Variants in PIP4K2A observed in about 807,000 individuals in gnomAD.
PIP4K2A encodes phosphatidylinositol-5-phosphate 4-kinase type 2 alpha.
PIP4K2A carries 14 observed loss-of-function variants against 42.9 expected under a neutral mutation model. That is an observed-to-expected ratio of 0.33 (90% CI 0.22 to 0.51). The LOEUF is 0.51. Among genes scored for constraint, PIP4K2A ranks in the 20% least tolerant of loss-of-function variants. The pLI is 0.97. For synonymous variants in PIP4K2A, 192 were observed against 192.2 expected (o/e 1.00, Z 0.01); for missense variants, 434 against 519.8 (o/e 0.83, Z 1.61).
chr10:22,707,244 T>C (rs1833838941), intron 1 of PIP4K2A, among the ~76,000 whole-genome samples: 1 of 152,220 alleles, frequency 6.6e-6, no homozygotes, highest in Non-Finnish European at 1.5e-5. Flanking sequence ...TAGGTACCAT[T>C]ATTACCTCCT....
chr10:22,635,291 G>A (rs1315174001), intron 1 of PIP4K2A, among the ~76,000 whole-genome samples: 1 of 152,140 alleles, frequency 6.6e-6, no homozygotes, highest in Admixed American at 6.5e-5. Flanking sequence ...TGTAACAACC[G>A]TCCTGCTCTG....
chr10:22,669,600 T>C lies in PIP4K2A; in HGVS notation c.144+44583A>G, dbSNP rs1326336. Among the ~76,000 whole-genome samples, 237 of 152,260 alleles carry C rather than the reference T, an allele frequency of 1.6e-3. 6 individuals are homozygous for C. In the East Asian group the frequency reaches 0.016, roughly 11 times the overall value. ...CAAGACAGCAAACCCTGTAGGGTAA[T>C]GCAGCTGAGGCTATGGACACCGGGT... On this transcript the variant is annotated intron_variant, in intron 1 of 9. Coordinates refer to ENST00000376573, the MANE Select transcript of PIP4K2A (RefSeq NM_005028.5).
intron 6 of PIP4K2A, among the ~76,000 whole-genome samples, chr10:22,556,131 A>G (rs1295235468): frequency 6.6e-6 from 1 of 152,178 alleles, no homozygotes; most frequent in African/African-American, 2.4e-5. Flanking sequence ...TTGTCACTGC[A>G]CACTGCACAC....
chr10:22,575,206 C>A (rs1222929374), intron 4 of PIP4K2A, among the ~76,000 whole-genome samples: 1 of 152,212 alleles, frequency 6.6e-6, no homozygotes, highest in Non-Finnish European at 1.5e-5. Context: ...TGATTATTTT[C>A]ATTCAAAACT....
intron 1 of PIP4K2A, among the ~76,000 whole-genome samples, chr10:22,662,842 T>C (rs10508651): frequency 0.14 from 21,560 of 152,186 alleles, 1,840 homozygotes; most frequent in African/African-American, 0.23. Context: ...AATCTGATAA[T>C]GTAGCCAAGC....
At chr10:22,593,895 A>C (rs565948731) in intron 3 of PIP4K2A, among the ~76,000 whole-genome samples, 3 of 152,372 alleles carry the variant, frequency 2.0e-5, no homozygotes, top group Non-Finnish European at 4.4e-5. Context: ...TGTATTCAGC[A>C]CAGGATAGAA....
intron 3 of PIP4K2A, among the ~76,000 whole-genome samples, chr10:22,594,240 C>T (rs1294103411): frequency 1.3e-5 from 2 of 152,212 alleles, no homozygotes; most frequent in South Asian, 2.1e-4. Flanking sequence ...TACAGACTTA[C>T]CGGCACTCAT....
chr10:22,619,324 G>T (rs1838257657), intron 1 of PIP4K2A, among the ~76,000 whole-genome samples: 1 of 152,050 alleles, frequency 6.6e-6, no homozygotes, highest in African/African-American at 2.4e-5. Context: ...CAGTTACAGA[G>T]GCAGGAAAAA....
chr10:22,643,920 G>A, intron 1 of PIP4K2A, among the ~76,000 whole-genome samples: 1 of 151,970 alleles, frequency 6.6e-6, no homozygotes, highest in East Asian at 1.9e-4. Context: ...CCTTCCCTTG[G>A]AGGGTTTATC....
chr10:22,542,038 G>A lies in PIP4K2A; in HGVS notation c.802C>T (p.Gln268Ter). The A allele has an allele frequency of 6.2e-7, 1 of 1,607,454 alleles. No individual in the cohort carries two copies. Among genetic ancestry groups the A allele is most frequent in the South Asian group, 1.1e-5 (1 of 89,982 alleles). The change falls in exon 8 of 10, where the codon CAG becomes TAG. Residue 268 changes from glutamine (Q) to a stop codon, truncating the protein, a stop_gained. Transcript: ENST00000376573. LOFTEE classifies it high-confidence loss of function. ...AGACTGTAGTCCATGAGCTTCAGCTGGGCCAGAAACTGGGGACAGAGGCAA... is the reference window on the plus strand; with the variant it reads ...AGACTGTAGTCCATGAGCTTCAGCTAGGCCAGAAACTGGGGACAGAGGCAA... ...KLKKDVEFLA[Q>*]LKLMDYSLLV...
chr10:22,632,846 GA>G (rs1246862856), intron 1 of PIP4K2A, among the ~76,000 whole-genome samples: 3 of 151,962 alleles, frequency 2.0e-5, no homozygotes, highest in Non-Finnish European at 4.4e-5. Context: ...CCAATCAAAA[GA>G]AAAAAATATC....
At chr10:22,669,600 T>A (rs1326336) in intron 1 of PIP4K2A, among the ~76,000 whole-genome samples, 1 of 152,142 alleles carries the variant, frequency 6.6e-6, no homozygotes, top group Non-Finnish European at 1.5e-5. Flanking sequence ...TGTAGGGTAA[T>A]GCAGCTGAGG....
chr10:22,660,362 T>G (rs2130831135), intron 1 of PIP4K2A, among the ~76,000 whole-genome samples: 1 of 152,176 alleles, frequency 6.6e-6, no homozygotes, highest in East Asian at 1.9e-4. Flanking sequence ...TCCCAGCTAC[T>G]TGGGAGGCTG....
chr10:22,703,493 G>A (rs1833755136), intron 1 of PIP4K2A, among the ~76,000 whole-genome samples: 1 of 152,186 alleles, frequency 6.6e-6, no homozygotes, highest in Non-Finnish European at 1.5e-5. Context: ...GCTGCTCTGA[G>A]CTTGCCTTTA....
chr10:22,630,506 T>C (rs1365274870), intron 1 of PIP4K2A, among the ~76,000 whole-genome samples: 1 of 152,196 alleles, frequency 6.6e-6, no homozygotes, highest in Non-Finnish European at 1.5e-5. Flanking sequence ...TAGATAGGAA[T>C]CATCTTTCTT....
chr10:22,704,046 A>C (rs191739750), intron 1 of PIP4K2A, among the ~76,000 whole-genome samples: 23 of 152,286 alleles, frequency 1.5e-4, no homozygotes, highest in Non-Finnish European at 2.1e-4. Flanking sequence ...ATTCATGTGA[A>C]GATACCTGGT....
intron 1 of PIP4K2A, chr10:22,694,163 T>C (rs1425823125): frequency 6.6e-6 from 1 of 152,010 alleles, no homozygotes; most frequent in African/African-American, 2.4e-5. Flanking sequence ...TACCTGAAAA[T>C]CTAAGTGATG....
intron 3 of PIP4K2A, among the ~76,000 whole-genome samples, chr10:22,603,014 C>A (rs1180238361): frequency 6.6e-6 from 1 of 152,196 alleles, no homozygotes; most frequent in Non-Finnish European, 1.5e-5. Context: ...GAGATAAAGG[C>A]AGAATTCCTG....
chr10:22,639,750 G>A (rs1421010585), intron 1 of PIP4K2A, among the ~76,000 whole-genome samples: 1 of 152,060 alleles, frequency 6.6e-6, no homozygotes. Context: ...TTCCCTTCAA[G>A]AAGCATAAAA....
Sources: allele counts gnomAD v4.1 joint callset (sites outside exome capture counted in the v4.1 genomes callset), GRCh38; gene constraint gnomAD v4.1.1; transcripts MANE v1.5; gene names NCBI Gene and HGNC (gene_info 2026-07-23, HGNC 2026-07-21).